Variants in NAALADL2 observed in about 807,000 individuals in gnomAD.
NAALADL2 encodes the protein inactive N-acetylated-alpha-linked acidic dipeptidase-like protein 2.
In NAALADL2, 76 loss-of-function variants were observed where a neutral mutation model predicts 87.2. The ratio of observed to expected loss-of-function variants is 0.87; its 90% CI spans 0.72 to 1.05. NAALADL2 has a LOEUF of 1.05. Among genes scored for constraint, NAALADL2 ranks in the 50% least tolerant of loss-of-function variants. The pLI, the probability that NAALADL2 is intolerant of heterozygous loss-of-function variation, is 0.00. For synonymous variants in NAALADL2, 354 were observed against 331.0 expected (o/e 1.07, Z -0.75); for missense variants, 1,089 against 945.8 (o/e 1.15, Z -1.99).
intron 1 of NAALADL2, among the ~76,000 whole-genome samples, chr3:174,983,757 T>G (rs1745447126): frequency 6.6e-6 from 1 of 152,168 alleles, no homozygotes. Context: ...TTCAACATAT[T>G]AATTTTAAGA....
At chr3:175,142,115 A>G (rs1730088469) in intron 2 of NAALADL2, among the ~76,000 whole-genome samples, 1 of 152,054 alleles carries the variant, frequency 6.6e-6, no homozygotes, top group Admixed American at 6.6e-5. Flanking sequence ...CTCTCAGTAC[A>G]TGTTTGAAAA....
chr3:175,351,165 G>A (rs958283379), intron 5 of NAALADL2, among the ~76,000 whole-genome samples: 4 of 151,988 alleles, frequency 2.6e-5, no homozygotes, highest in African/African-American at 7.2e-5. Flanking sequence ...TAGGTGAAAT[G>A]TAATAATTAT....
intron 13 of NAALADL2, among the ~76,000 whole-genome samples, chr3:175,756,085 A>G (rs1425616093): frequency 1.3e-5 from 2 of 152,174 alleles, no homozygotes; most frequent in Non-Finnish European, 2.9e-5. Context: ...CCCATCAATC[A>G]TCATAAAACC....
At chr3:175,015,266 G>A (rs1455863212) in intron 1 of NAALADL2, among the ~76,000 whole-genome samples, 3 of 152,068 alleles carry the variant, frequency 2.0e-5, no homozygotes, top group East Asian at 1.9e-4. Context: ...ACATTTGGAG[G>A]CATTTTTCCA....
At chr3:175,551,088 G>C (rs1056651054) in intron 9 of NAALADL2, among the ~76,000 whole-genome samples, 1 of 128,624 alleles carries the variant, frequency 7.8e-6, no homozygotes, top group Non-Finnish European at 1.6e-5. Context: ...GTGTCTCTGC[G>C]TGTGTGTGTG....
intron 1 of NAALADL2, among the ~76,000 whole-genome samples, chr3:174,443,323 A>G (rs1714802011): frequency 6.6e-6 from 1 of 152,172 alleles, no homozygotes. Context: ...TATTCTGTAT[A>G]TATATTTTGA....
At chr3:175,158,121 C>A (rs1246507847) in intron 2 of NAALADL2, among the ~76,000 whole-genome samples, 1 of 151,934 alleles carries the variant, frequency 6.6e-6, no homozygotes, top group Non-Finnish European at 1.5e-5. Context: ...TAGGTAGAAT[C>A]ATTTATTTCT....
At chr3:174,656,083 T>A (rs754808666) in intron 2 of NAALADL2, among the ~76,000 whole-genome samples, 11 of 152,208 alleles carry the variant, frequency 7.2e-5, no homozygotes, top group Non-Finnish European at 1.3e-4. Flanking sequence ...AAATGAAAAG[T>A]TATTGTACAC....
chr3:175,023,268 G>C lies in NAALADL2; in HGVS notation c.44-73522G>C, dbSNP rs4569665. ...GGATAAATAAATAGTATGTAAGAGA[G>C]TTTTAAAATGTTAAACATATTGGAC... On this transcript the variant is annotated intron_variant, in intron 1 of 13. Transcript: ENST00000454872. Among the ~76,000 whole-genome samples the C allele has an allele frequency of 6.7e-4, 102 of 151,888 alleles. 2 individuals carry two copies. In the East Asian group the frequency reaches 0.02, roughly 29 times the overall value.
intron 13 of NAALADL2, among the ~76,000 whole-genome samples, chr3:175,798,577 G>C (rs1419840923): frequency 6.6e-6 from 1 of 152,018 alleles, no homozygotes; most frequent in African/African-American, 2.4e-5. Context: ...TACTAGTTAG[G>C]AGAAGCAAGT....
intron 5 of NAALADL2, among the ~76,000 whole-genome samples, chr3:175,335,391 C>T (rs957741239): frequency 2.6e-5 from 4 of 152,098 alleles, no homozygotes; most frequent in African/African-American, 9.7e-5. Context: ...GGTTATAGAT[C>T]ATCCATGAGA....
intron 5 of NAALADL2, among the ~76,000 whole-genome samples, 182 bp downstream of exon 5, chr3:175,324,507 A>C (rs1760441245): frequency 6.6e-6 from 1 of 152,226 alleles, no homozygotes; most frequent in Non-Finnish European, 1.5e-5. Flanking sequence ...TTGTTGGTAT[A>C]AATTGGATTT....
At chr3:174,966,006 C>T (rs75299341) in intron 1 of NAALADL2, among the ~76,000 whole-genome samples, 13 of 152,052 alleles carry the variant, frequency 8.5e-5, no homozygotes, top group African/African-American at 3.1e-4. Context: ...TTTGTGAGTG[C>T]CCATTTGAGA....
chr3:175,125,069 C>T (rs1726745392), intron 2 of NAALADL2, among the ~76,000 whole-genome samples: 1 of 151,912 alleles, frequency 6.6e-6, no homozygotes, highest in Admixed American at 6.6e-5. Flanking sequence ...TGGAAGTGTT[C>T]TAGATCTGCA....
At chr3:175,155,456 G>C (rs1332460045) in intron 2 of NAALADL2, among the ~76,000 whole-genome samples, 1 of 152,046 alleles carries the variant, frequency 6.6e-6, no homozygotes, top group East Asian at 1.9e-4. Flanking sequence ...CTTCACCACA[G>C]CAAAACTAGT....
chr3:175,316,977 G>A (rs992752132), intron 4 of NAALADL2, among the ~76,000 whole-genome samples: 3 of 152,148 alleles, frequency 2.0e-5, no homozygotes, highest in African/African-American at 7.2e-5. Context: ...TTGAACAGGT[G>A]TTCATCTCAG....
chr3:175,790,464 CATTTTATTT>C (rs1205305584), intron 13 of NAALADL2, among the ~76,000 whole-genome samples: 2 of 152,144 alleles, frequency 1.3e-5, no homozygotes, highest in Non-Finnish European at 2.9e-5. Flanking sequence ...CTTGAAAAAG[CATTTTATTT>C]ATTTTAACTG....
At chr3:175,702,189 T>A (rs1451538524) in intron 11 of NAALADL2, among the ~76,000 whole-genome samples, 1 of 152,174 alleles carries the variant, frequency 6.6e-6, no homozygotes, top group Non-Finnish European at 1.5e-5. Context: ...AATTCTGTTC[T>A]AGTAGTTTAT....
chr3:174,646,903 T>C (rs964542794), intron 2 of NAALADL2, among the ~76,000 whole-genome samples: 11 of 152,120 alleles, frequency 7.2e-5, no homozygotes, highest in African/African-American at 2.7e-4. Flanking sequence ...TGGACAAAAA[T>C]AGCCCCAAGT....
Sources: gnomAD v4.1 joint callset for allele counts (sites outside exome capture counted in the v4.1 genomes callset) on GRCh38, gnomAD v4.1.1 for gene constraint, MANE v1.5 for transcripts, NCBI Gene and HGNC (gene_info 2026-07-23, HGNC 2026-07-21) for gene names.